PTPRT: variants seen among roughly 807,000 people sequenced by gnomAD.
PTPRT encodes receptor-type tyrosine-protein phosphatase T.
PTPRT carries 56 observed loss-of-function variants against 176.8 expected under a neutral mutation model. That is an observed-to-expected ratio of 0.32 (90% CI 0.26 to 0.40). The LOEUF (loss-of-function observed/expected upper bound fraction) is 0.40. Ranked by LOEUF, PTPRT falls within the 10% of genes least tolerant of loss-of-function variation. The pLI, the probability that PTPRT is intolerant of heterozygous loss-of-function variation, is 1.00. For synonymous variants in PTPRT, 783 were observed against 739.0 expected, an observed-to-expected ratio of 1.06 and a Z score of -0.96; for missense variants, 1,540 against 1,908.2, an observed-to-expected ratio of 0.81 and a Z score of 3.60.
chr20:42,611,042 A>C (rs2073966794), intron 7 of PTPRT, among the ~76,000 whole-genome samples: 1 of 152,180 alleles, frequency 6.6e-6, no homozygotes, highest in East Asian at 1.9e-4. Context: ...CTGTATGGAT[A>C]TGCTATATTT....
In PTPRT at chr20:42,819,647, C is replaced by A. The variant is rs2077854435; in HGVS notation, c.215-28181G>T. Among the ~76,000 whole-genome samples the A allele has an allele frequency of 2.0e-5, 3 of 152,008 alleles. No homozygotes were observed. In the South Asian group the frequency reaches 6.2e-4, roughly 32 times the overall value. On this transcript the variant is annotated intron_variant, in intron 2 of 30. Transcript: ENST00000373187. ...TCAAGAGGCATTGGTGTGCTGTATT[C>A]AGGAGACCCAACTTACATGCAAAGA...
intron 1 of PTPRT, among the ~76,000 whole-genome samples, chr20:43,159,076 G>A (rs2211284): frequency 0.87 from 132,861 of 152,190 alleles, 58,301 homozygotes; most frequent in East Asian, 0.97. Context: ...GAGGCCAAGT[G>A]ATAAAGAGAA....
At chr20:43,013,304 C>A (rs1469466589) in intron 1 of PTPRT, among the ~76,000 whole-genome samples, 1 of 152,084 alleles carries the variant, frequency 6.6e-6, no homozygotes, top group Non-Finnish European at 1.5e-5. Context: ...AATTGTCCCT[C>A]AAAGCATCGA....
At chr20:42,361,253 T>G (rs552161730) in intron 9 of PTPRT, among the ~76,000 whole-genome samples, 2 of 152,206 alleles carry the variant, frequency 1.3e-5, no homozygotes, top group Non-Finnish European at 2.9e-5. Flanking sequence ...TCAGTAACTA[T>G]GTATTTAATA....
At chr20:42,331,288 C>T (rs1446245754) in intron 11 of PTPRT, among the ~76,000 whole-genome samples, 1 of 152,146 alleles carries the variant, frequency 6.6e-6, no homozygotes, top group Non-Finnish European at 1.5e-5. Flanking sequence ...TTAGAACCCA[C>T]AGCAATGCTT....
chr20:42,390,865 T>G (rs2145669690), intron 9 of PTPRT, among the ~76,000 whole-genome samples: 1 of 152,336 alleles, frequency 6.6e-6, no homozygotes, highest in South Asian at 2.1e-4. Flanking sequence ...AACAGGAACT[T>G]TCTTGAGTAC....
chr20:43,102,111 T>TG (rs1490577976), intron 1 of PTPRT, among the ~76,000 whole-genome samples: 1 of 152,158 alleles, frequency 6.6e-6, no homozygotes, highest in African/African-American at 2.4e-5. Flanking sequence ...AATCCATTCA[T>TG]GGGGGTAGAG....
chr20:42,527,248 C>A (rs760894497), intron 7 of PTPRT, among the ~76,000 whole-genome samples: 3 of 152,096 alleles, frequency 2.0e-5, no homozygotes, highest in Non-Finnish European at 4.4e-5. Context: ...CAGGTGTGAG[C>A]CACCGTGCCC....
At chr20:42,663,835 T>C (rs1261901431) in intron 7 of PTPRT, among the ~76,000 whole-genome samples, 1 of 152,310 alleles carries the variant, frequency 6.6e-6, no homozygotes, top group Non-Finnish European at 1.5e-5. Context: ...AATTCCACTG[T>C]GTGTGTGCAC....
At chr20:42,331,150 A>G (rs2057958658) in intron 11 of PTPRT, among the ~76,000 whole-genome samples, 1 of 151,730 alleles carries the variant, frequency 6.6e-6, no homozygotes, top group South Asian at 2.1e-4. Context: ...AACCCCCTTT[A>G]TACTCCTGTC....
At chr20:42,744,742 T>C (rs1311030517) in intron 6 of PTPRT, among the ~76,000 whole-genome samples, 1 of 152,204 alleles carries the variant, frequency 6.6e-6, no homozygotes, top group Non-Finnish European at 1.5e-5. Flanking sequence ...CTTTTGACTC[T>C]CCCCTCACCT....
chr20:42,767,813 AT>A (rs1201690658), intron 5 of PTPRT, among the ~76,000 whole-genome samples: 3 of 146,474 alleles, frequency 2.0e-5, no homozygotes, highest in East Asian at 1.9e-4. Flanking sequence ...ATAATTATAT[AT>A]TTTTATATAT....
In PTPRT at chr20:42,462,066, G is replaced by A. The variant is rs74993810; in HGVS notation, c.1450+10200C>T. On this transcript the variant is annotated intron_variant, in intron 8 of 30. Coordinates refer to ENST00000373187, the MANE Select transcript of PTPRT (RefSeq NM_007050.6). ...AGCAAAACTGGCCTTTATTTAAAAAGCAAATGGTTCATCCATAGAAACAAG... is the reference window on the plus strand; with the variant it reads ...AGCAAAACTGGCCTTTATTTAAAAAACAAATGGTTCATCCATAGAAACAAG... Among the ~76,000 whole-genome samples the A allele has an allele frequency of 8.7e-3, 1,324 of 152,038 alleles. 11 individuals carry two copies. The highest frequency in any genetic ancestry group is 0.014 in the Middle Eastern group (4 of 290).
chr20:42,147,685 A>AAAAC (rs1467032054), intron 17 of PTPRT, among the ~76,000 whole-genome samples: 1 of 152,098 alleles, frequency 6.6e-6, no homozygotes, highest in Non-Finnish European at 1.5e-5. Context: ...TAAACCGAAC[A>AAAAC]AAACAGTTGT....
chr20:42,964,989 T>G (rs920466219), intron 1 of PTPRT, among the ~76,000 whole-genome samples: 3 of 152,210 alleles, frequency 2.0e-5, no homozygotes, highest in African/African-American at 7.2e-5. Context: ...AAAGTGATTC[T>G]CTACCTACTA....
intron 7 of PTPRT, among the ~76,000 whole-genome samples, chr20:42,519,867 T>C (rs1381957605): frequency 6.6e-6 from 1 of 152,176 alleles, no homozygotes; most frequent in Non-Finnish European, 1.5e-5. Flanking sequence ...CACTATGATG[T>C]GTCATTTGAA....
chr20:43,040,620 A>T (rs188939678), intron 1 of PTPRT, among the ~76,000 whole-genome samples: 1,959 of 152,272 alleles, frequency 0.013, 124 homozygotes, highest in Admixed American at 0.11. Context: ...TGGTCCTGAA[A>T]GATGGGAATA....
At chr20:43,111,380 A>T (rs548673975) in intron 1 of PTPRT, among the ~76,000 whole-genome samples, 2 of 151,962 alleles carry the variant, frequency 1.3e-5, no homozygotes, top group South Asian at 4.2e-4. Flanking sequence ...TCTGCTAAAA[A>T]AAAAAATACA....
chr20:42,917,002 C>T (rs908797623), intron 1 of PTPRT, among the ~76,000 whole-genome samples: 16 of 152,170 alleles, frequency 1.1e-4, no homozygotes, highest in African/African-American at 1.4e-4. Flanking sequence ...TTTGTTGCCA[C>T]TGCTTTTGGT....
Sources: gnomAD v4.1 joint callset for allele counts (sites outside exome capture counted in the v4.1 genomes callset) on GRCh38, gnomAD v4.1.1 for gene constraint, MANE v1.5 for transcripts, NCBI Gene and HGNC (gene_info 2026-07-23, HGNC 2026-07-21) for gene names.